The following CDH12 variants were observed in gnomAD, a reference collection of about 807,000 sequenced individuals.
CDH12 encodes the protein cadherin-12.
In CDH12, 41 loss-of-function variants were observed where a neutral mutation model predicts 74.1. The observed-to-expected ratio is 0.55, with a 90% CI of 0.43 to 0.72. The LOEUF is 0.72. CDH12 is among the 30% of genes least tolerant of loss of function. The probability of loss-of-function intolerance (pLI) is 0.00; values close to 1 mark genes in which losing one functional copy is unlikely to be tolerated. For synonymous variants in CDH12, 399 were observed against 355.0 expected (o/e 1.12, Z -1.39); for missense variants, 945 against 977.2 (o/e 0.97, Z 0.44).
chr5:21,935,504 T>C (rs1021372989), intron 6 of CDH12, among the ~76,000 whole-genome samples: 1 of 152,170 alleles, frequency 6.6e-6, no homozygotes. Flanking sequence ...ATTTATGGAG[T>C]ACATGAGATG....
At chr5:22,794,342 T>G (rs1748079735) in intron 1 of CDH12, among the ~76,000 whole-genome samples, 1 of 152,156 alleles carries the variant, frequency 6.6e-6, no homozygotes, top group Admixed American at 6.5e-5. Flanking sequence ...CACTGGATTT[T>G]GAATGCCTGC....
At chr5:21,769,242 A>T (rs1745191118) in intron 11 of CDH12, among the ~76,000 whole-genome samples, 1 of 152,114 alleles carries the variant, frequency 6.6e-6, no homozygotes, top group South Asian at 2.1e-4. Flanking sequence ...ATTGTCCTTG[A>T]GAATTTTATG....
chr5:22,334,896 A>G (rs1432617461), intron 3 of CDH12, among the ~76,000 whole-genome samples: 1 of 152,192 alleles, frequency 6.6e-6, no homozygotes, highest in Non-Finnish European at 1.5e-5. Context: ...TAAAAATACT[A>G]TAAGAAAACA....
At chr5:22,487,565 A>G (rs1450935306) in intron 2 of CDH12, among the ~76,000 whole-genome samples, 1 of 152,206 alleles carries the variant, frequency 6.6e-6, no homozygotes, top group Non-Finnish European at 1.5e-5. Flanking sequence ...ACAATAAAGC[A>G]AAAACAAAAA....
intron 5 of CDH12, among the ~76,000 whole-genome samples, chr5:22,029,077 G>T (rs966827626): frequency 2.6e-5 from 4 of 152,122 alleles, no homozygotes; most frequent in African/African-American, 9.7e-5. Flanking sequence ...AGCTGAAACT[G>T]GATCCCTTCC....
chr5:22,753,351 G>T, intron 1 of CDH12, among the ~76,000 whole-genome samples: 1 of 150,796 alleles, frequency 6.6e-6, no homozygotes, highest in East Asian at 2.0e-4. Context: ...GCAGGAGAAT[G>T]GCGTGAACCC....
At chr5:21,824,179 T>A (rs75473451) in intron 8 of CDH12, among the ~76,000 whole-genome samples, 23 of 152,246 alleles carry the variant, frequency 1.5e-4, no homozygotes, top group African/African-American at 5.1e-4. Context: ...CTGGATGGAT[T>A]AGCAGCCTTT....
At chr5:22,497,342 G>C (rs1466186996) in intron 2 of CDH12, among the ~76,000 whole-genome samples, 1 of 152,134 alleles carries the variant, frequency 6.6e-6, no homozygotes, top group Admixed American at 6.5e-5. Context: ...GCTCAGGCCA[G>C]ATACCATGAA....
intron 1 of CDH12, among the ~76,000 whole-genome samples, chr5:22,555,192 A>G (rs552709756): frequency 2.8e-4 from 43 of 152,066 alleles, no homozygotes; most frequent in South Asian, 1.2e-3. Context: ...TTCAAAGAAA[A>G]GGAGAAAGAT....
At chr5:21,882,243 T>C (rs1752390063) in intron 6 of CDH12, among the ~76,000 whole-genome samples, 1 of 152,230 alleles carries the variant, frequency 6.6e-6, no homozygotes, top group Admixed American at 6.5e-5. Flanking sequence ...GAATTTATTC[T>C]CATGTCCAAA....
chr5:22,034,028 G>A (rs1330813574), intron 5 of CDH12, among the ~76,000 whole-genome samples: 1 of 152,042 alleles, frequency 6.6e-6, no homozygotes, highest in South Asian at 2.1e-4. Flanking sequence ...AAGTTGCTGG[G>A]GGAGGGTTTG....
Position 21,751,748 on chromosome 5 carries a change from T to C in CDH12, c.2374A>G (p.Lys792Glu). The C allele has an allele frequency of 6.2e-7, 1 of 1,612,156 alleles. No homozygotes were observed. Among genetic ancestry groups the C allele is most frequent in the Non-Finnish European group, 8.5e-7 (1 of 1,179,112 alleles). The part of the protein sequence containing the change: ...FGEEESYNPD[K>E]VT ...CCTCCACGACTCCCTTAAGTGACTT[T>C]ATCAGGGTTATAACTCTCTTCTTCG... Residue 792 changes from lysine to glutamate, a missense_variant, in exon 15 of 15, where the codon AAA becomes GAA. Coordinates refer to ENST00000382254, the MANE Select transcript of CDH12 (RefSeq NM_004061.5).
At chr5:22,637,855 C>T (rs555624309) in intron 1 of CDH12, among the ~76,000 whole-genome samples, 1 of 152,174 alleles carries the variant, frequency 6.6e-6, no homozygotes, top group Non-Finnish European at 1.5e-5. Flanking sequence ...AGTAGAGATT[C>T]TGTATAGTAC....
At chr5:22,255,375 A>G (rs35909852) in intron 3 of CDH12, among the ~76,000 whole-genome samples, 64,161 of 151,380 alleles carry the variant, frequency 0.42, 14,546 homozygotes, top group Admixed American at 0.53. Context: ...ACCTATAATT[A>G]TTAATTATAG....
Position 21,817,124 on chromosome 5 carries a change from G to A in CDH12, c.823C>T (p.His275Tyr), listed in dbSNP as rs1361029557. 3.7e-6 allele frequency: 6 copies of A among 1,606,068 alleles called. No individual in the cohort carries two copies. Among genetic ancestry groups the A allele is most frequent in the Non-Finnish European group, 5.1e-6 (6 of 1,175,742 alleles). Residue 275 changes from histidine (H) to tyrosine (Y), a missense_variant, in exon 9 of 15, where the codon CAC becomes TAC. By Grantham distance (83) the His-to-Tyr change is moderately conservative (BLOSUM62 2). Around this residue, in one of 3 missense-constraint regions of CDH12, gnomAD observed 791 missense variants for 792.8 expected, o/e 1.00. Coordinates refer to ENST00000382254, the MANE Select transcript of CDH12 (RefSeq NM_004061.5). ...GGGGAAGACTCAGGAACTTTCAAGT[G>A]GAAGATGCCTGATAAGACATATAAA... is the stretch of plus-strand genomic sequence containing the variant. Reference protein sequence around the residue: ...NPPRFPKSIFHLKVPESSPIG... With the variant: ...NPPRFPKSIFYLKVPESSPIG...
At chr5:22,471,415 C>T (rs1306117414) in intron 2 of CDH12, among the ~76,000 whole-genome samples, 1 of 152,144 alleles carries the variant, frequency 6.6e-6, no homozygotes, top group South Asian at 2.1e-4. Context: ...CTTCCATATT[C>T]CATTCATCAT....
At chr5:22,756,969 A>T (rs1745956097) in intron 1 of CDH12, among the ~76,000 whole-genome samples, 1 of 152,146 alleles carries the variant, frequency 6.6e-6, no homozygotes, top group Non-Finnish European at 1.5e-5. Flanking sequence ...AAAAAAAAAA[A>T]AAAATTAATT....
At chr5:22,345,187 A>C (rs954124118) in intron 3 of CDH12, among the ~76,000 whole-genome samples, 7 of 152,088 alleles carry the variant, frequency 4.6e-5, no homozygotes, top group Admixed American at 4.6e-4. Flanking sequence ...GACTCAAATC[A>C]CTTTAGATTT....
At chr5:22,116,926 G>GT (rs1745152049) in intron 4 of CDH12, among the ~76,000 whole-genome samples, 1 of 131,174 alleles carries the variant, frequency 7.6e-6, no homozygotes, top group Non-Finnish European at 1.6e-5. Flanking sequence ...TGGTTTCCAA[G>GT]TACCTTGATT....
Sources: gnomAD v4.1 joint callset for allele counts (sites outside exome capture counted in the v4.1 genomes callset) on GRCh38, gnomAD v4.1.1 for gene constraint, gnomAD v4.1.1 regional missense constraint, MANE v1.5 for transcripts, NCBI Gene and HGNC (gene_info 2026-07-23, HGNC 2026-07-21) for gene names.